MYO3A: variants seen among roughly 807,000 people sequenced by gnomAD.
The protein encoded by MYO3A is myosin IIIA.
MYO3A carries 180 observed loss-of-function variants against 192.7 expected under a neutral mutation model. The ratio of observed to expected loss-of-function variants is 0.93; its 90% CI spans 0.83 to 1.06. The LOEUF is 1.06. Among genes scored for constraint, MYO3A ranks in the 50% least tolerant of loss-of-function variants. The pLI is 0.00. For missense variants in MYO3A, 1,896 were observed against 1,905.0 expected (o/e 1.00, Z 0.09); for synonymous variants, 628 against 645.3 (o/e 0.97, Z 0.41).
intron 26 of MYO3A, among the ~76,000 whole-genome samples, chr10:26,163,558 A>G (rs1841585680): frequency 1.3e-5 from 2 of 152,200 alleles, no homozygotes; most frequent in South Asian, 4.1e-4. Flanking sequence ...TTAGATCCAT[A>G]GAGTGAAGAA....
At chr10:25,983,046 T>C (rs1250267366) in intron 4 of MYO3A, among the ~76,000 whole-genome samples, 1 of 151,920 alleles carries the variant, frequency 6.6e-6, no homozygotes, top group Admixed American at 6.6e-5. Flanking sequence ...ATTAAAAACA[T>C]GATACAGGAT....
At chr10:25,981,393 A>G (rs1335430002) in intron 4 of MYO3A, among the ~76,000 whole-genome samples, 2 of 152,158 alleles carry the variant, frequency 1.3e-5, no homozygotes, top group Non-Finnish European at 2.9e-5. Context: ...GTGACTTTGA[A>G]TTAGGAAAAA....
Position 26,088,195 on chromosome 10 carries a change from C to G in MYO3A, c.1360-8C>G. 1 of 1,577,460 alleles carries G rather than the reference C, an allele frequency of 6.3e-7. No individual in the cohort carries two copies. Among genetic ancestry groups the G allele is most frequent in the Non-Finnish European group, 8.6e-7 (1 of 1,158,920 alleles). On this transcript the variant is annotated splice_region_variant and splice_polypyrimidine_tract_variant and intron_variant, in intron 14 of 34. Coordinates refer to ENST00000642920, the MANE Select transcript of MYO3A (RefSeq NM_017433.5). ...GTTTTTAAAAATATCTTAATATTTT[C>G]TATTTAGGCTAATAACAGAACCTTG... is the stretch of plus-strand genomic sequence containing the variant.
intron 31 of MYO3A, among the ~76,000 whole-genome samples, chr10:26,187,073 T>C (rs7908081): frequency 0.17 from 25,933 of 152,112 alleles, 2,338 homozygotes; most frequent in East Asian, 0.3. Flanking sequence ...CACAGAAGTA[T>C]ATGAATATCT....
chr10:26,047,444 G>T (rs1843695104), intron 10 of MYO3A, among the ~76,000 whole-genome samples: 1 of 152,132 alleles, frequency 6.6e-6, no homozygotes, highest in Admixed American at 6.6e-5. Context: ...CCTAGGATTT[G>T]ACTGAATCCA....
At chr10:26,042,416 C>T (rs2222351) in intron 10 of MYO3A, among the ~76,000 whole-genome samples, 15,424 of 152,160 alleles carry the variant, frequency 0.1, 848 homozygotes, top group Non-Finnish European at 0.12. Flanking sequence ...TCTTTCTCTA[C>T]TTCCTCTTTT....
intron 4 of MYO3A, among the ~76,000 whole-genome samples, chr10:25,955,604 C>T (rs577546510): frequency 1.3e-5 from 2 of 152,250 alleles, no homozygotes; most frequent in East Asian, 3.9e-4. Flanking sequence ...CTCTCTAAGG[C>T]AGGAGTACTA....
At chr10:26,148,455 A>AT (rs1840602383) in intron 23 of MYO3A, among the ~76,000 whole-genome samples, 2 of 152,184 alleles carry the variant, frequency 1.3e-5, no homozygotes, top group East Asian at 3.8e-4. Flanking sequence ...CTTTGTTCTT[A>AT]TTCAGGCTTG....
chr10:26,155,720 TTA>T (rs1841072023), intron 25 of MYO3A, among the ~76,000 whole-genome samples: 1 of 152,226 alleles, frequency 6.6e-6, no homozygotes, highest in Admixed American at 6.5e-5. Flanking sequence ...GCCAGTACAT[TTA>T]TATGCTTAAT....
chr10:26,086,165 A>G (rs532722471), intron 14 of MYO3A, among the ~76,000 whole-genome samples: 1 of 152,278 alleles, frequency 6.6e-6, no homozygotes, highest in East Asian at 1.9e-4. Flanking sequence ...GGCCTCAAAA[A>G]AACTTACAAT....
intron 4 of MYO3A, among the ~76,000 whole-genome samples, chr10:25,979,241 C>T (rs1038985774): frequency 1.5e-4 from 23 of 152,078 alleles, no homozygotes; most frequent in African/African-American, 5.6e-4. Flanking sequence ...GAGTGAATAG[C>T]ATTGTTTCTT....
At chr10:26,108,029 C>T (rs1837935647) in intron 17 of MYO3A, among the ~76,000 whole-genome samples, 1 of 151,956 alleles carries the variant, frequency 6.6e-6, no homozygotes, top group Admixed American at 6.6e-5. Flanking sequence ...AATTTATCCC[C>T]AAGTAATAAA....
intron 25 of MYO3A, among the ~76,000 whole-genome samples, chr10:26,155,553 G>A (rs1367361042): frequency 6.6e-6 from 1 of 152,126 alleles, no homozygotes; most frequent in Non-Finnish European, 1.5e-5. Flanking sequence ...GGAGGTGGAG[G>A]AAATTAGATT....
chr10:25,981,412 A>G (rs1017426910), intron 4 of MYO3A, among the ~76,000 whole-genome samples: 1 of 152,206 alleles, frequency 6.6e-6, no homozygotes, highest in Non-Finnish European at 1.5e-5. Flanking sequence ...AAAAAAATTT[A>G]GACACAAAAA....
chr10:25,962,081 T>A (rs547786045), intron 4 of MYO3A, among the ~76,000 whole-genome samples: 10 of 152,268 alleles, frequency 6.6e-5, no homozygotes, highest in African/African-American at 2.4e-4. Flanking sequence ...GAAACTCCTG[T>A]GAGATGCTTT....
intron 2 of MYO3A, among the ~76,000 whole-genome samples, chr10:25,941,146 G>A (rs556108209): frequency 2.6e-5 from 4 of 152,254 alleles, no homozygotes; most frequent in African/African-American, 9.6e-5. Flanking sequence ...GCCAAATAGG[G>A]GATAGTGAGG....
intron 10 of MYO3A, among the ~76,000 whole-genome samples, chr10:26,056,444 G>A (rs924976992): frequency 6.6e-5 from 10 of 152,114 alleles, no homozygotes; most frequent in South Asian, 2.1e-4. Flanking sequence ...CAAAGTTAAC[G>A]TCAAATACTA....
At chr10:26,206,210 G>A (rs534134745) in intron 34 of MYO3A, among the ~76,000 whole-genome samples, 1 of 151,694 alleles carries the variant, frequency 6.6e-6, no homozygotes, top group Admixed American at 6.6e-5. Flanking sequence ...ACAGGTGCAT[G>A]CCACTCTGCC....
At chr10:25,986,178 G>A (rs571581211) in intron 4 of MYO3A, among the ~76,000 whole-genome samples, 1 of 151,992 alleles carries the variant, frequency 6.6e-6, no homozygotes, top group Non-Finnish European at 1.5e-5. Context: ...AAAGCCCTCA[G>A]GAAAATTGGC....
Sources: allele counts gnomAD v4.1 joint callset (sites outside exome capture counted in the v4.1 genomes callset), GRCh38; gene constraint gnomAD v4.1.1; transcripts MANE v1.5; gene names NCBI Gene and HGNC (gene_info 2026-07-23, HGNC 2026-07-21).